The following DLGAP1 variants were observed in gnomAD, a reference collection of about 807,000 sequenced individuals.
DLGAP1 encodes DLG associated protein 1, also known as disks large-associated protein 1.
DLGAP1 carries 11 observed loss-of-function variants against 90.8 expected under a neutral mutation model. The ratio of observed to expected loss-of-function variants is 0.12; its 90% CI spans 0.08 to 0.20. The LOEUF (loss-of-function observed/expected upper bound fraction) is 0.20. Among genes scored for constraint, DLGAP1 ranks in the 10% least tolerant of loss-of-function variants. The pLI is 1.00. For synonymous variants in DLGAP1, 558 were observed against 540.7 expected (o/e 1.03, Z -0.44); for missense variants, 1,050 against 1,333.8 (o/e 0.79, Z 3.31).
intron 1 of DLGAP1, among the ~76,000 whole-genome samples, chr18:4,424,763 T>C: frequency 6.6e-6 from 1 of 152,140 alleles, no homozygotes; most frequent in Admixed American, 6.5e-5. Flanking sequence ...TCATGATTTT[T>C]TTCTTTTTGT....
chr18:4,337,193 C>CTTTTTT (rs201042095), intron 1 of DLGAP1, among the ~76,000 whole-genome samples: 1 of 91,078 alleles, frequency 1.1e-5, no homozygotes, highest in Admixed American at 1.4e-4. Flanking sequence ...CAATAGTTGG[C>CTTTTTT]TTTTTTTTTT....
chr18:3,602,593 CAAAAAAAAAAAA>C (rs71159102), intron 7 of DLGAP1, among the ~76,000 whole-genome samples: 47 of 66,702 alleles, frequency 7.0e-4, no homozygotes, highest in African/African-American at 2.5e-3. Flanking sequence ...AGACTCCGTC[CAAAAAAAAAAAA>C]AAAAAAAAAA....
intron 2 of DLGAP1, among the ~76,000 whole-genome samples, chr18:4,067,066 A>C (rs1007086184): frequency 6.6e-6 from 1 of 152,148 alleles, no homozygotes; most frequent in Non-Finnish European, 1.5e-5. Flanking sequence ...TTAGCAAATT[A>C]ACATAGGAAG....
chr18:3,791,093 C>A (rs551794350), intron 5 of DLGAP1, among the ~76,000 whole-genome samples: 3 of 152,208 alleles, frequency 2.0e-5, no homozygotes, highest in South Asian at 4.1e-4. Context: ...TTTTGGGCTG[C>A]GGCAATAAAG....
In DLGAP1 at chr18:3,874,534, AC is replaced by A; in HGVS notation, c.957+4577del. ...AGAATTCTGCTTTTTAAAAGCAAAA[AC>A]AAAACAACAACAAAAACCACCTTTT... On this transcript the variant is annotated intron_variant, in intron 4 of 12. Transcript: ENST00000315677. 8.2e-6 allele frequency: 12 copies of A among 1,459,640 alleles called. No individual in the cohort carries two copies. The South Asian group carries it at 1.4e-4, about 18-fold the overall frequency. 90.4% of individuals were successfully genotyped at this position (1,459,640 alleles called of 1,614,324 possible).
chr18:3,727,135 A>C lies in DLGAP1; in HGVS notation c.1591+2000T>G, dbSNP rs1192003803. On this transcript the variant is annotated intron_variant, in intron 7 of 12. Coordinates refer to ENST00000315677, the MANE Select transcript of DLGAP1 (RefSeq NM_004746.4). This position sits in a 1 kb window ranked among gnomAD's most constrained non-coding sequence, Gnocchi z 4.7. ...GTTTCTCATGCAATATTTGGGATAT[A>C]CCTATCCAGCAGAATTATTCACTCT... Among the ~76,000 whole-genome samples, 1 of 152,202 alleles carries C rather than the reference A, an allele frequency of 6.6e-6. No individual in the cohort carries two copies. The highest frequency in any genetic ancestry group is 1.5e-5 in the Non-Finnish European group (1 of 68,036).
chr18:3,668,339 G>A (rs1447727263), intron 7 of DLGAP1, among the ~76,000 whole-genome samples: 1 of 152,012 alleles, frequency 6.6e-6, no homozygotes, highest in Non-Finnish European at 1.5e-5. Flanking sequence ...TAGAGACAGG[G>A]TCTCACACTG....
intron 8 of DLGAP1, among the ~76,000 whole-genome samples, chr18:3,578,758 T>C (rs2055311450): frequency 6.6e-6 from 1 of 152,008 alleles, no homozygotes; most frequent in African/African-American, 2.4e-5. Context: ...CAGGTGACCT[T>C]GGGCAAGTTT....
At chr18:4,176,075 C>T (rs2077102166) in intron 1 of DLGAP1, among the ~76,000 whole-genome samples, 1 of 152,054 alleles carries the variant, frequency 6.6e-6, no homozygotes, top group Non-Finnish European at 1.5e-5. Flanking sequence ...AATGTTTTTC[C>T]ACTTGTTGGT....
chr18:3,876,027 A>T (rs1179870873), intron 4 of DLGAP1, among the ~76,000 whole-genome samples: 3 of 74,932 alleles, frequency 4.0e-5, no homozygotes, highest in African/African-American at 1.6e-4. Flanking sequence ...ATAGAGCTGA[A>T]AAAAAAAAAA....
chr18:4,112,977 T>C (rs2076000069), intron 2 of DLGAP1, among the ~76,000 whole-genome samples: 1 of 152,156 alleles, frequency 6.6e-6, no homozygotes, highest in Non-Finnish European at 1.5e-5. Flanking sequence ...TTCTGTGGTA[T>C]GTATGTACCA....
chr18:4,405,255 C>T (rs55778889), intron 1 of DLGAP1, among the ~76,000 whole-genome samples: 46,723 of 151,932 alleles, frequency 0.31, 7,572 homozygotes, highest in Admixed American at 0.36. Flanking sequence ...CAGGGCAATC[C>T]AAATCAGAGG....
intron 5 of DLGAP1, among the ~76,000 whole-genome samples, chr18:3,761,664 C>T (rs929531358): frequency 6.6e-6 from 1 of 151,978 alleles, no homozygotes; most frequent in Non-Finnish European, 1.5e-5. Context: ...CAACCTCTGC[C>T]TCCCAGGTTC....
At chr18:4,408,256 T>C (rs1186341013) in intron 1 of DLGAP1, among the ~76,000 whole-genome samples, 1 of 152,128 alleles carries the variant, frequency 6.6e-6, no homozygotes, top group East Asian at 1.9e-4. Flanking sequence ...TACAATGCTG[T>C]GCGTATTCGT....
At chr18:3,705,057 G>A (rs190868791) in intron 7 of DLGAP1, among the ~76,000 whole-genome samples, 1 of 152,318 alleles carries the variant, frequency 6.6e-6, no homozygotes, top group African/African-American at 2.4e-5. Context: ...AGTTATTTCT[G>A]TAGTTCAGTT....
At chr18:4,019,191 C>T (rs9945305) in intron 2 of DLGAP1, among the ~76,000 whole-genome samples, 102,448 of 152,052 alleles carry the variant, frequency 0.67, 34,961 homozygotes, top group African/African-American at 0.76. Flanking sequence ...TGCAGCCAGC[C>T]GTCTAATCAC....
intron 9 of DLGAP1, among the ~76,000 whole-genome samples, chr18:3,567,072 C>G (rs2054475442): frequency 6.9e-6 from 1 of 145,768 alleles, no homozygotes; most frequent in East Asian, 2.3e-4. Context: ...ATTCATTCAT[C>G]ATTCATTCAT....
chr18:3,892,148 CACACACACACACACACA>C (rs1390450342), intron 3 of DLGAP1: 1 of 144,570 alleles, frequency 6.9e-6, no homozygotes, highest in Non-Finnish European at 1.5e-5. Flanking sequence ...CACACACACA[CACACACACACACACACA>C]CAGTCTTTCA....
intron 1 of DLGAP1, among the ~76,000 whole-genome samples, chr18:4,452,990 T>C (rs916967678): frequency 1.3e-5 from 2 of 152,188 alleles, no homozygotes; most frequent in Admixed American, 1.3e-4. Context: ...TATAGAGAAA[T>C]AGATAGCTAT....
Sources: gnomAD v4.1 joint callset for allele counts (sites outside exome capture counted in the v4.1 genomes callset) on GRCh38, gnomAD v4.1.1 for gene constraint, Gnocchi (gnomAD v3.1) non-coding constraint, MANE v1.5 for transcripts, NCBI Gene and HGNC (gene_info 2026-07-23, HGNC 2026-07-21) for gene names.